Variants in CCDC157 observed in about 807,000 individuals in gnomAD.
CCDC157 encodes the protein coiled-coil domain containing 157.
Under a neutral mutation model 70.9 loss-of-function variants are expected in CCDC157, and 60 were observed. The ratio of observed to expected loss-of-function variants is 0.85; its 90% confidence interval spans 0.69 to 1.05. CCDC157 has a LOEUF of 1.05. Ranked by LOEUF, CCDC157 falls within the 50% of genes least tolerant of loss-of-function variation. CCDC157 has a pLI of 0.00. For synonymous variants in CCDC157, 373 were observed against 422.4 expected (o/e 0.88, Z 1.43); for missense variants, 943 against 984.2 (o/e 0.96, Z 0.56).
rs1343625515 is a variant in CCDC157, at chr22:30,377,852, C to G, written c.*1107C>G. On this transcript the variant is annotated 3_prime_UTR_variant, in exon 12 of 12. Coordinates refer to ENST00000338306, the MANE Select transcript of CCDC157 (RefSeq NM_001017437.5). ...AGCTCTCTCAGGCGCCCACCAACTC[C>G]GTGCCATGTATTCATTAGCTCCCAG... 3.0e-6 allele frequency: 1 copy of G among 334,534 alleles called. No individual in the cohort carries two copies. The highest frequency in any genetic ancestry group is 3.9e-5 in the Admixed American group (1 of 25,746). The allele number at this position is 334,534 out of a possible 1,614,324, so 20.7% of individuals were successfully genotyped here. A position where few individuals can be genotyped will look rare whatever the true frequency, so the allele number is the denominator to read the frequency against.
Position 30,375,647 on chromosome 22 carries a change from A to G in CCDC157, c.1841A>G (p.Gln614Arg), listed in dbSNP as rs1391754536. The change falls in exon 10 of 12, where the codon CAG (glutamine) becomes CGG (arginine). Residue 614 changes from glutamine to arginine, a missense_variant. Gln to Arg is a conservative substitution (Grantham distance 43). Coordinates refer to ENST00000338306, the MANE Select transcript of CCDC157 (RefSeq NM_001017437.5). ...SMLSKIREVA[Q>R]QGGLKLIPQD... The stretch of plus-strand genomic sequence containing the variant: ...CTGTCCAAAATCCGGGAAGTGGCCC[A>G]GCAGGGTGGCCTCAAGGTGGGCCTG... The G allele has an allele frequency of 2.5e-6, 4 of 1,613,666 alleles. No homozygotes were observed. The South Asian group carries it at 3.3e-5, about 13-fold the overall frequency.
Position 30,376,328 on chromosome 22 carries a change from G to A in CCDC157, c.1927G>A (p.Ala643Thr). 1 of 1,613,524 alleles carries A rather than the reference G, an allele frequency of 6.2e-7. No homozygotes were observed. The highest frequency in any genetic ancestry group is 8.5e-7 in the Non-Finnish European group (1 of 1,179,790). ...CCAGGGAGCAACACCACCAGTCCAGGCCAAGAGCACATCCCCAGGGTGAGT... is the reference window on the plus strand; with the variant it reads ...CCAGGGAGCAACACCACCAGTCCAGACCAAGAGCACATCCCCAGGGTGAGT... ...GTQGATPPVQ[A>T]KSTSPGPLGR... The change falls in exon 11 of 12, where the codon GCC becomes ACC. Residue 643 changes from alanine (A) to threonine (T), a missense_variant. By Grantham distance (58) the Ala-to-Thr change is moderately conservative (BLOSUM62 0). Transcript: ENST00000338306.
rs1215729003 is a variant in CCDC157 at position 30,377,539 on chromosome 22, T to C, written c.*794T>C. On this transcript the variant is annotated 3_prime_UTR_variant, in exon 12 of 12. Transcript: ENST00000338306. Reference sequence around the variant, plus strand: ...TGAAGGACAATCTCCAAAAACTTGCTGAGGCCTTCTCAGGGCGCACGCTCC... The same window carrying C: ...TGAAGGACAATCTCCAAAAACTTGCCGAGGCCTTCTCAGGGCGCACGCTCC... 2 of 153,580 alleles carry C rather than the reference T, an allele frequency of 1.3e-5. No homozygotes were observed. Among genetic ancestry groups the C allele is most frequent in the Admixed American group, 6.4e-5 (1 of 15,552 alleles). 9.5% of individuals were successfully genotyped at this position (153,580 alleles called of 1,614,324 possible).
chr22:30,365,950 C>T (rs1449351886), intron 2 of CCDC157, 40 bp from the exon 3 acceptor site: 8 of 1,523,446 alleles, frequency 5.3e-6, no homozygotes, highest in Middle Eastern at 3.4e-4. Context: ...GCAGCAGCCA[C>T]GTGGCTCTGG....
intron 7 of CCDC157, 177 bp from the exon 8 acceptor site, chr22:30,373,420 C>A: frequency 1.5e-6 from 1 of 663,384 alleles, no homozygotes; most frequent in South Asian, 1.9e-5. Flanking sequence ...CTGCCTGCTG[C>A]CAGCTTCCCC....
intron 4 of CCDC157, 108 bp downstream of exon 4, chr22:30,369,711 G>A: frequency 1.1e-6 from 1 of 909,420 alleles, no homozygotes; most frequent in Non-Finnish European, 1.5e-6. Context: ...ACCACTATGT[G>A]CACCACAGCC....
intron 3 of CCDC157, chr22:30,366,672 C>T (rs540568830): frequency 1.4e-5 from 3 of 215,774 alleles, no homozygotes; most frequent in East Asian, 2.3e-4. Context: ...ATCACAAGGC[C>T]GGACACGGGA....
intron 3 of CCDC157, among the ~76,000 whole-genome samples, chr22:30,367,518 C>T (rs1932775462): frequency 2.0e-5 from 3 of 151,800 alleles, no homozygotes; most frequent in Non-Finnish European, 4.4e-5. Flanking sequence ...GGATTACAGG[C>T]GTGAGCTACT....
chr22:30,357,067 G>C lies in CCDC157; in HGVS notation c.-231G>C, dbSNP rs1715585642. ...CTTTTCGGGGATCCCGGTGGCCGCA[G>C]GCGCACCGGGGGCAGTTCCGGGAGC... On this transcript the variant is annotated 5_prime_UTR_variant, in exon 1 of 12. Coordinates refer to ENST00000338306, the MANE Select transcript of CCDC157 (RefSeq NM_001017437.5). 2.8e-6 allele frequency: 1 copy of C among 352,496 alleles called. No homozygotes were observed. The highest frequency in any genetic ancestry group is 5.1e-6 in the Non-Finnish European group (1 of 196,290). 21.8% of individuals were successfully genotyped at this position (352,496 alleles called of 1,614,324 possible).
intron 3 of CCDC157, 139 bp downstream of exon 3, chr22:30,366,387 C>G: frequency 1.0e-6 from 1 of 982,716 alleles, no homozygotes; most frequent in South Asian, 1.5e-5. Context: ...GGGGCCACAT[C>G]AGCTCAGGAC....
chr22:30,360,773 C>T lies in CCDC157; in HGVS notation c.-165-1188C>T, dbSNP rs141237419. Among the ~76,000 whole-genome samples the T allele has an allele frequency of 9.7e-3, 1,480 of 152,130 alleles. 21 individuals are homozygous for T. Among genetic ancestry groups the T allele is most frequent in the African/African-American group, 0.033 (1,384 of 41,504 alleles). On this transcript the variant is annotated intron_variant, in intron 1 of 11. Coordinates refer to ENST00000338306, the MANE Select transcript of CCDC157 (RefSeq NM_001017437.5). ...CTACTAAATACAAAAATTGGCCGGG[C>T]ATGGTGGCTCATACCTATAATCCCA... is the stretch of plus-strand genomic sequence containing the variant.
chr22:30,359,570 C>G (rs764627535), intron 1 of CCDC157, among the ~76,000 whole-genome samples: 1 of 152,146 alleles, frequency 6.6e-6, no homozygotes, highest in Non-Finnish European at 1.5e-5. Context: ...CCCTCTGCAC[C>G]GTCCAATACA....
chr22:30,374,293 G>A (rs1018716848), intron 9 of CCDC157: 28 of 664,404 alleles, frequency 4.2e-5, no homozygotes, highest in Non-Finnish European at 6.7e-5. Flanking sequence ...AGACAGGGAC[G>A]TGAAAGCCCA....
At chr22:30,374,718 T>C (rs1190205850) in intron 9 of CCDC157, 6 of 456,742 alleles carry the variant, frequency 1.3e-5, no homozygotes, top group Non-Finnish European at 2.6e-5. Context: ...CATAGCCCCA[T>C]AGCTATTTCC....
intron 7 of CCDC157, chr22:30,373,329 A>AC (rs1486347709): frequency 1.2e-5 from 6 of 485,826 alleles, no homozygotes; most frequent in Non-Finnish European, 2.2e-5. Context: ...TGGGGGTGAG[A>AC]CCCCCAGAGC....
intron 3 of CCDC157, 41 bp downstream of exon 3, chr22:30,366,289 C>T: frequency 6.2e-7 from 1 of 1,606,874 alleles, no homozygotes; most frequent in South Asian, 1.1e-5. Flanking sequence ...AGGATGCCAG[C>T]ACCTGCCCCT....
rs754190249 is a variant in CCDC157, at chr22:30,374,000, G to A, written c.1581G>A (p.Glu527=). ...CGGACCTGCGGCTAACCATCCTGGA[G>A]CTAGAACGGGAGCTGGAGGAGCTGA... is the stretch of plus-strand genomic sequence containing the variant. ...ATTDLRLTIL[E]LERELEELKE... The change falls in exon 9 of 12, where the codon GAG becomes GAA. Residue 527 remains glutamate (E), a synonymous_variant. Coordinates refer to ENST00000338306, the MANE Select transcript of CCDC157 (RefSeq NM_001017437.5). 2.0e-5 allele frequency: 33 copies of A among 1,612,766 alleles called. No homozygotes were observed. Among genetic ancestry groups the A allele is most frequent in the Non-Finnish European group, 2.6e-5 (31 of 1,179,586 alleles).
Position 30,376,554 on chromosome 22 carries a change from CCTCGGCAGCCCTGCACATCCCCAT to C in CCDC157, c.2084_2107del (p.Thr695_Cys702del), listed in dbSNP as rs759963543. Reference sequence around the variant, plus strand: ...ACCTCGGCAGCCCTGCACATCCCCACCTCGGCAGCCCTGCACATCCCCATCTCGGCAGCCCTGCAGCCAGCCCAG... The same window carrying C: ...ACCTCGGCAGCCCTGCACATCCCCACCTCGGCAGCCCTGCAGCCAGCCCAG... On this transcript the variant is annotated inframe_deletion, in exon 12 of 12. Transcript: ENST00000338306. 1.2e-5 allele frequency: 19 copies of C among 1,608,962 alleles called. No homozygotes were observed. The highest frequency in any genetic ancestry group is 1.7e-4 in the Middle Eastern group (1 of 5,852).
Position 30,369,450 on chromosome 22 carries a change from A to G in CCDC157, c.267A>G (p.Gln89=). 1.3e-6 allele frequency: 2 copies of G among 1,536,294 alleles called. No homozygotes were observed. The highest frequency in any genetic ancestry group is 1.8e-6 in the Non-Finnish European group (2 of 1,137,908). Residue 89 remains glutamine (Q), a synonymous_variant, in exon 4 of 12, where the codon CAA becomes CAG. Coordinates refer to ENST00000338306, the MANE Select transcript of CCDC157 (RefSeq NM_001017437.5). ...LVIDRLLLLL[Q]SCMSYLENLG... is the part of the protein sequence containing the mutation. ...CCCGCAGGCTCCTGCTGCTGCTTCA[A>G]AGCTGTATGAGCTACTTGGAGAACC... is the stretch of plus-strand genomic sequence containing the variant.
Sources: allele counts gnomAD v4.1 joint callset (sites outside exome capture counted in the v4.1 genomes callset), GRCh38; gene constraint gnomAD v4.1.1; transcripts MANE v1.5; gene names NCBI Gene and HGNC (gene_info 2026-07-23, HGNC 2026-07-21).